PNOC: variants seen among roughly 807,000 people sequenced by gnomAD.
PNOC encodes the protein prepronociceptin.
Under a neutral mutation model 15.6 loss-of-function variants are expected in PNOC, and 10 were observed. The observed-to-expected ratio is 0.64, with a 90% CI of 0.40 to 1.09. The LOEUF is 1.09. Ranked by LOEUF, PNOC falls within the 50% of genes least tolerant of loss-of-function variation. PNOC has a pLI of 0.01. For synonymous variants in PNOC, 98 were observed against 88.5 expected, an observed-to-expected ratio of 1.11 and a Z score of -0.60; for missense variants, 220 against 223.9, an observed-to-expected ratio of 0.98 and a Z score of 0.11.
intron 2 of PNOC, among the ~76,000 whole-genome samples, chr8:28,330,118 T>A (rs1801297143): frequency 6.6e-6 from 1 of 151,860 alleles, no homozygotes; most frequent in African/African-American, 2.4e-5. Context: ...CGCTATTTTT[T>A]ATATTTTTAG....
rs1049047023 is a variant in PNOC at position 28,339,139 on chromosome 8, G to T, written c.226G>T (p.Ala76Ser). Residue 76 changes from alanine (A) to serine (S), a missense_variant, in exon 3 of 4, where the codon GCC (alanine) becomes TCC (serine). Ala to Ser is a moderately conservative substitution (Grantham distance 99). Coordinates refer to ENST00000301908, the MANE Select transcript of PNOC (RefSeq NM_006228.5). ...ARSSWQLSPA[A>S]PEHVAAALYQ... is the part of the protein sequence containing the mutation. ...GAGCTCTTGGCAGCTCAGCCCTGCC[G>T]CCCCAGAGCATGTGGCGGCTGCTCT... The T allele has an allele frequency of 1.6e-5, 26 of 1,612,792 alleles. No individual in the cohort carries two copies. The highest frequency in any genetic ancestry group is 2.0e-5 in the Non-Finnish European group (24 of 1,178,998).
chr8:28,342,933 T>C lies in PNOC; in HGVS notation c.*48-9T>C. 1 of 981,898 alleles carries C rather than the reference T, an allele frequency of 1.0e-6. No individual in the cohort carries two copies. Among genetic ancestry groups the C allele is most frequent in the Non-Finnish European group, 1.2e-6 (1 of 826,696 alleles). The allele number at this position is 981,898 out of a possible 1,614,324, so 60.8% of individuals were successfully genotyped here. ...GTTTGCCATTTTTTAACCATTTCTGTCTCCCCAGGCGTCCAGGTGATCCCC... is the reference window on the plus strand; with the variant it reads ...GTTTGCCATTTTTTAACCATTTCTGCCTCCCCAGGCGTCCAGGTGATCCCC... On this transcript the variant is annotated splice_polypyrimidine_tract_variant and intron_variant, in intron 3 of 3. Coordinates refer to ENST00000301908, the MANE Select transcript of PNOC (RefSeq NM_006228.5).
intron 2 of PNOC, among the ~76,000 whole-genome samples, chr8:28,338,293 C>T (rs952220108): frequency 1.3e-5 from 2 of 152,114 alleles, no homozygotes; most frequent in Non-Finnish European, 2.9e-5. Flanking sequence ...GGAGAAACAT[C>T]GTGGTCCAGC....
intron 1 of PNOC, among the ~76,000 whole-genome samples, chr8:28,321,185 T>G (rs1801146079): frequency 6.7e-6 from 1 of 149,528 alleles, no homozygotes; most frequent in Non-Finnish European, 1.5e-5. Flanking sequence ...ACTGCAGATG[T>G]GCACCACCAC....
chr8:28,331,538 A>G (rs1452154590), intron 2 of PNOC, among the ~76,000 whole-genome samples: 1 of 152,126 alleles, frequency 6.6e-6, no homozygotes, highest in Non-Finnish European at 1.5e-5. Flanking sequence ...GGCTGCAGAA[A>G]ACTCCTAGAG....
At chr8:28,329,333 C>A in intron 2 of PNOC, 50 bp downstream of exon 2, 1 of 1,601,514 alleles carries the variant, frequency 6.2e-7, no homozygotes, top group Non-Finnish European at 8.5e-7. Context: ...CTGACTACCT[C>A]CTCCCTCCCT....
At chr8:28,321,243 T>C (rs1036024767) in intron 1 of PNOC, among the ~76,000 whole-genome samples, 1 of 146,806 alleles carries the variant, frequency 6.8e-6, no homozygotes, top group Non-Finnish European at 1.5e-5. Context: ...GATAGGTGTC[T>C]TACTATGTTC....
intron 2 of PNOC, 49 bp from the exon 3 acceptor site, chr8:28,338,990 TA>T: frequency 6.7e-7 from 1 of 1,482,524 alleles, no homozygotes; most frequent in Non-Finnish European, 9.1e-7. Flanking sequence ...CGCCCTGGAT[TA>T]ACAGAGGTCC....
chr8:28,324,183 A>G (rs973625026), intron 1 of PNOC, among the ~76,000 whole-genome samples: 1 of 152,226 alleles, frequency 6.6e-6, no homozygotes. Flanking sequence ...CAGGAAGACT[A>G]TCAAATGGAA....
intron 2 of PNOC, among the ~76,000 whole-genome samples, chr8:28,330,396 ATTTT>A (rs67554549): frequency 1.1e-4 from 9 of 80,444 alleles, no homozygotes; most frequent in African/African-American, 2.7e-4. Flanking sequence ...ATTTTATTTT[ATTTT>A]TTTTTTTTTT....
chr8:28,330,495 T>C (rs1015009294), intron 2 of PNOC, among the ~76,000 whole-genome samples: 14 of 144,726 alleles, frequency 9.7e-5, no homozygotes, highest in African/African-American at 1.0e-4. Context: ...CCTGGGTTCA[T>C]GCCATTCTCC....
intron 1 of PNOC, among the ~76,000 whole-genome samples, chr8:28,327,570 CTTT>C (rs34916912): frequency 2.1e-5 from 3 of 143,030 alleles, no homozygotes; most frequent in African/African-American, 2.6e-5. Flanking sequence ...AAATTCTTTT[CTTT>C]TTTTTTTTTT....
intron 1 of PNOC, among the ~76,000 whole-genome samples, chr8:28,320,544 TA>T (rs1801132926): frequency 6.6e-6 from 1 of 152,114 alleles, no homozygotes; most frequent in South Asian, 2.1e-4. Flanking sequence ...AATCGACTGC[TA>T]GGGGTACAAA....
rs1044470245 is a variant in PNOC, at chr8:28,339,156, G to A, written c.243G>A (p.Ala81=). Residue 81 remains alanine, a synonymous_variant, in exon 3 of 4, where the codon GCG becomes GCA. Coordinates refer to ENST00000301908, the MANE Select transcript of PNOC (RefSeq NM_006228.5). ...GCCCTGCCGCCCCAGAGCATGTGGC[G>A]GCTGCTCTCTACCAGCCGAGAGCTT... The part of the protein sequence containing the change: ...QLSPAAPEHV[A]AALYQPRASE... 4.3e-6 allele frequency: 7 copies of A among 1,613,440 alleles called. No homozygotes were observed. The African/African-American group carries it at 5.3e-5, about 12-fold the overall frequency.
At chr8:28,320,357 G>A (rs1300999968) in intron 1 of PNOC, among the ~76,000 whole-genome samples, 1 of 151,890 alleles carries the variant, frequency 6.6e-6, no homozygotes, top group East Asian at 1.9e-4. Context: ...GTTCCTGATA[G>A]GAGCCACACA....
intron 3 of PNOC, among the ~76,000 whole-genome samples, chr8:28,341,857 C>T (rs1242739440): frequency 2.6e-5 from 4 of 152,180 alleles, no homozygotes; most frequent in Non-Finnish European, 5.9e-5. Context: ...ATTTATAAGT[C>T]TATAACAGCC....
chr8:28,320,991 TC>T (rs1174697910), intron 1 of PNOC, among the ~76,000 whole-genome samples: 7 of 152,186 alleles, frequency 4.6e-5, no homozygotes, highest in Admixed American at 4.6e-4. Context: ...TTTCTTTCTT[TC>T]TTTTTGAGTT....
chr8:28,329,952 A>G (rs1287126101), intron 2 of PNOC, among the ~76,000 whole-genome samples: 2 of 152,084 alleles, frequency 1.3e-5, no homozygotes, highest in Non-Finnish European at 1.5e-5. Flanking sequence ...ATTTTTATTT[A>G]TTCATTTTTT....
At chr8:28,330,399 T>A (rs1226711298) in intron 2 of PNOC, among the ~76,000 whole-genome samples, 45 of 104,140 alleles carry the variant, frequency 4.3e-4, no homozygotes, top group African/African-American at 1.4e-3. Flanking sequence ...TTATTTTATT[T>A]TTTTTTTTTT....
Sources: allele counts gnomAD v4.1 joint callset (sites outside exome capture counted in the v4.1 genomes callset), GRCh38; gene constraint gnomAD v4.1.1; transcripts MANE v1.5; gene names NCBI Gene and HGNC (gene_info 2026-07-23, HGNC 2026-07-21).